Variants in DNER observed in about 807,000 individuals in gnomAD.
DNER encodes delta/notch like EGF repeat containing.
Under a neutral mutation model 78.2 loss-of-function variants are expected in DNER, and 33 were observed. The observed-to-expected ratio is 0.42, with a 90% CI of 0.32 to 0.56. The LOEUF is 0.56. Ranked by LOEUF, DNER falls within the 20% of genes least tolerant of loss-of-function variation. The pLI, the probability that DNER is intolerant of heterozygous loss-of-function variation, is 0.11. For missense variants in DNER, 918 were observed against 975.3 expected (o/e 0.94, Z 0.78); for synonymous variants, 417 against 384.8 (o/e 1.08, Z -0.98).
intron 1 of DNER, among the ~76,000 whole-genome samples, chr2:229,638,738 C>T (rs975441720): frequency 1.3e-5 from 2 of 152,046 alleles, no homozygotes; most frequent in African/African-American, 4.8e-5. Flanking sequence ...AGCCAAAAGT[C>T]CAAAATAAAA....
At chr2:229,554,040 G>A (rs1415668412) in intron 4 of DNER, among the ~76,000 whole-genome samples, 1 of 152,184 alleles carries the variant, frequency 6.6e-6, no homozygotes, top group Non-Finnish European at 1.5e-5. Context: ...CAAGTAGGCT[G>A]ACCATGGAAT....
chr2:229,559,317 T>A (rs995765478), intron 4 of DNER, among the ~76,000 whole-genome samples: 1 of 151,892 alleles, frequency 6.6e-6, no homozygotes, highest in Non-Finnish European at 1.5e-5. Flanking sequence ...AGGGAGAGAA[T>A]AGAGGGTGAC....
intron 1 of DNER, among the ~76,000 whole-genome samples, chr2:229,642,857 T>TA (rs1485715514): frequency 6.6e-6 from 1 of 152,062 alleles, no homozygotes; most frequent in African/African-American, 2.4e-5. Flanking sequence ...TCCAATGTAG[T>TA]GAGAGCATTA....
chr2:229,533,940 T>G (rs967010763), intron 5 of DNER, among the ~76,000 whole-genome samples: 1 of 152,264 alleles, frequency 6.6e-6, no homozygotes, highest in Non-Finnish European at 1.5e-5. Context: ...CAGAAGTGAC[T>G]TTTTTGATAT....
intron 1 of DNER, among the ~76,000 whole-genome samples, chr2:229,654,459 TG>T (rs1418239115): frequency 6.6e-6 from 1 of 152,156 alleles, no homozygotes; most frequent in Non-Finnish European, 1.5e-5. Context: ...GGAAAGTATG[TG>T]GTAAAGATTT....
intron 12 of DNER, among the ~76,000 whole-genome samples, chr2:229,362,124 G>A (rs1692230450): frequency 2.0e-5 from 3 of 152,130 alleles, no homozygotes; most frequent in South Asian, 2.1e-4. Context: ...CTCCATCTGC[G>A]GCTCCTTCCT....
At chr2:229,509,601 G>T (rs1172554580) in intron 6 of DNER, among the ~76,000 whole-genome samples, 1 of 151,700 alleles carries the variant, frequency 6.6e-6, no homozygotes, top group African/African-American at 2.4e-5. Flanking sequence ...ATCTCCTGAG[G>T]TCAGGAGTTT....
chr2:229,381,352 G>T (rs1413543121), intron 11 of DNER, among the ~76,000 whole-genome samples: 1 of 152,180 alleles, frequency 6.6e-6, no homozygotes, highest in Non-Finnish European at 1.5e-5. Flanking sequence ...GCAGCCATCT[G>T]GGCAGACACT....
chr2:229,546,806 C>T (rs199914068), intron 5 of DNER, 141 bp downstream of exon 5: 208 of 732,878 alleles, frequency 2.8e-4, no homozygotes, highest in Middle Eastern at 8.7e-4. Flanking sequence ...GATAGATAGA[C>T]AGACAGACAG....
At chr2:229,500,820 C>G (rs1010178892) in intron 6 of DNER, among the ~76,000 whole-genome samples, 4 of 152,204 alleles carry the variant, frequency 2.6e-5, no homozygotes, top group African/African-American at 9.6e-5. Flanking sequence ...ACACTGTACC[C>G]AACTTGCAGT....
At chr2:229,662,230 G>A (rs1451828297) in intron 1 of DNER, among the ~76,000 whole-genome samples, 1 of 152,112 alleles carries the variant, frequency 6.6e-6, no homozygotes, top group Non-Finnish European at 1.5e-5. Flanking sequence ...CACAGCAAAG[G>A]CATCCAAGGC....
At chr2:229,448,249 G>A (rs745753469) in intron 7 of DNER, among the ~76,000 whole-genome samples, 7 of 151,876 alleles carry the variant, frequency 4.6e-5, no homozygotes, top group Non-Finnish European at 7.4e-5. Flanking sequence ...ATTATGCTAA[G>A]TAAAAGAAGC....
chr2:229,521,023 C>T (rs926855822), intron 5 of DNER, among the ~76,000 whole-genome samples: 5 of 152,198 alleles, frequency 3.3e-5, no homozygotes, highest in African/African-American at 4.8e-5. Flanking sequence ...GACTAGGGCA[C>T]GCCCAGCCCC....
chr2:229,392,107 C>T (rs1693028445), intron 10 of DNER, among the ~76,000 whole-genome samples: 1 of 151,996 alleles, frequency 6.6e-6, no homozygotes, highest in Admixed American at 6.6e-5. Flanking sequence ...ACATGCCAGG[C>T]ACTGATTGGG....
chr2:229,499,539 T>C (rs574537867), intron 6 of DNER, among the ~76,000 whole-genome samples: 1 of 149,782 alleles, frequency 6.7e-6, no homozygotes, highest in African/African-American at 2.5e-5. Context: ...TGCAGAAGAA[T>C]GAAATTGGAC....
At chr2:229,586,484 A>C in intron 3 of DNER, among the ~76,000 whole-genome samples, 1 of 57,780 alleles carries the variant, frequency 1.7e-5, no homozygotes, top group Non-Finnish European at 3.0e-5. Context: ...CCAATGCTTC[A>C]GGCCTCCCCT....
chr2:229,672,595 A>G (rs138613487), intron 1 of DNER, among the ~76,000 whole-genome samples: 24 of 151,402 alleles, frequency 1.6e-4, no homozygotes, highest in Non-Finnish European at 2.7e-4. Flanking sequence ...GAGAGAGAGG[A>G]AAAAGGATGA....
At position 229,714,160 on chromosome 2, in the gene DNER, G is replaced by A; in HGVS notation, c.264C>T (p.Gly88=). ...YSCTCPAGIS[G]ANCQLVADPC... ...CGCTTCCACTCACCTGGCAGTTGGC[G>A]CCGGAGATCCCGGCGGGGCAGGTGC... Residue 88 remains glycine (G), a synonymous_variant, in exon 1 of 13, where the codon GGC becomes GGT. Transcript: ENST00000341772. 2 of 1,321,654 alleles carry A rather than the reference G, an allele frequency of 1.5e-6. No homozygotes were observed. The highest frequency in any genetic ancestry group is 1.9e-6 in the Non-Finnish European group (2 of 1,039,044). The allele number at this position is 1,321,654 out of a possible 1,614,324, so 81.9% of individuals were successfully genotyped here. A position where few individuals can be genotyped will look rare whatever the true frequency, so the allele number is the denominator to read the frequency against.
At chr2:229,439,697 G>A (rs72984772) in intron 8 of DNER, among the ~76,000 whole-genome samples, 2 of 152,306 alleles carry the variant, frequency 1.3e-5, no homozygotes, top group Non-Finnish European at 2.9e-5. Flanking sequence ...CAAAATAGTG[G>A]TAGGGAGGTC....
Sources: allele counts gnomAD v4.1 joint callset (sites outside exome capture counted in the v4.1 genomes callset), GRCh38; gene constraint gnomAD v4.1.1; transcripts MANE v1.5; gene names NCBI Gene and HGNC (gene_info 2026-07-23, HGNC 2026-07-21).